Variants in CACNB3 observed in about 807,000 individuals in gnomAD.
CACNB3 encodes voltage-dependent L-type calcium channel subunit beta-3.
Under a neutral mutation model 63.7 loss-of-function variants are expected in CACNB3, and 36 were observed. The ratio of observed to expected loss-of-function variants is 0.57; its 90% CI spans 0.43 to 0.75. The LOEUF (loss-of-function observed/expected upper bound fraction) is 0.75, where lower values mean the gene tolerates loss of function less well. Ranked by LOEUF, CACNB3 falls within the 30% of genes least tolerant of loss-of-function variation. The pLI is 0.00. For synonymous variants in CACNB3, 241 were observed against 250.6 expected (o/e 0.96, Z 0.36); for missense variants, 493 against 648.6 (o/e 0.76, Z 2.61).
chr12:48,815,149 C>A (rs913852081), upstream of CACNB3: 1 of 157,726 alleles, frequency 6.3e-6, no homozygotes, highest in African/African-American at 2.4e-5. Context: ...GGGTCGCAGC[C>A]GCCGCCGGAG....
In CACNB3 at chr12:48,826,852, C is replaced by G; in HGVS notation, c.988C>G (p.Pro330Ala). Residue 330 changes from proline to alanine, a missense_variant and splice_region_variant, in exon 11 of 13, where the codon CCG becomes GCG. By Grantham distance (27) the Pro-to-Ala change is conservative. Transcript: ENST00000301050. This position sits in a 1 kb window ranked among gnomAD's most constrained non-coding sequence, Gnocchi z 4.8. ...ATATGATAAGCTGGTTCAGTGCCCA[C>G]CGGTGAGTGCCTGGGTCAGCTGCTC... ...MAYDKLVQCP[P>A]ESFDVILDEN... 1 of 1,613,616 alleles carries G rather than the reference C, an allele frequency of 6.2e-7. No individual in the cohort carries two copies. The highest frequency in any genetic ancestry group is 8.5e-7 in the Non-Finnish European group (1 of 1,179,542).
At chr12:48,818,437 G>A (rs570499655), upstream of CACNB3, 5 of 987,500 alleles carry the variant, frequency 5.1e-6, no homozygotes, top group South Asian at 1.4e-4. This position sits in a 1 kb window ranked among gnomAD's most constrained non-coding sequence, Gnocchi z 4.3. Context: ...CTCTGTCTCC[G>A]CATCTCTCCT....
chr12:48,818,620 C>T lies in CACNB3; in HGVS notation c.-310C>T. The T allele has an allele frequency of 9.0e-7, 1 of 1,114,146 alleles. No individual in the cohort carries two copies. Among genetic ancestry groups the T allele is most frequent in the Non-Finnish European group, 1.1e-6 (1 of 913,274 alleles). The allele number at this position is 1,114,146 out of a possible 1,614,324, so 69.0% of individuals were successfully genotyped here. A position where few individuals can be genotyped will look rare whatever the true frequency, so the allele number is the denominator to read the frequency against. ...GGTGGCCGCCGCCCCCTCGCCGCCC[C>T]CGCCTTCTCCCGGGGAGGGGGTCAG... On this transcript the variant is annotated 5_prime_UTR_variant, in exon 1 of 13. Coordinates refer to ENST00000301050, the MANE Select transcript of CACNB3 (RefSeq NM_000725.4). This position sits in a 1 kb window ranked among gnomAD's most constrained non-coding sequence, Gnocchi z 4.3.
At chr12:48,820,222 A>G (rs1280455484) in intron 1 of CACNB3, 1 of 153,418 alleles carries the variant, frequency 6.5e-6, no homozygotes, top group Non-Finnish European at 1.5e-5. Flanking sequence ...TCTTTCTGAC[A>G]GTTGAAGGGA....
At position 48,827,558 on chromosome 12, in the gene CACNB3, C is replaced by A. The variant is rs374732384; in HGVS notation, c.1141-27C>A. On this transcript the variant is annotated intron_variant, in intron 12 of 12. Transcript: ENST00000301050. ...AGACAAGGTGAGGTCTGTACTGCCT[C>A]ACTGAGAGCTGTTGTATGGCCCCCA... The A allele has an allele frequency of 3.1e-6, 5 of 1,601,528 alleles. No homozygotes were observed. The African/African-American group carries it at 5.3e-5, about 17-fold the overall frequency.
rs1216289468 is a variant in CACNB3 at position 48,825,838 on chromosome 12, CT to C, written c.742+77del. ...AGTGAGAACCTTCCTCCTCCCTTTTCTTTTTTTTGAGATGGAGTCTCGCTCT... is the reference window on the plus strand; with the variant it reads ...AGTGAGAACCTTCCTCCTCCCTTTTCTTTTTTTGAGATGGAGTCTCGCTCT... On this transcript the variant is annotated intron_variant, in intron 9 of 12. Coordinates refer to ENST00000301050, the MANE Select transcript of CACNB3 (RefSeq NM_000725.4). The surrounding 1 kb of genome is among the most constrained non-coding windows in gnomAD (Gnocchi z 4.5). The C allele has an allele frequency of 6.2e-5, 70 of 1,128,700 alleles. No individual in the cohort carries two copies. The highest frequency in any genetic ancestry group is 7.9e-5 in the Non-Finnish European group (60 of 763,386). 69.9% of individuals were successfully genotyped at this position (1,128,700 alleles called of 1,614,324 possible).
In CACNB3 at chr12:48,818,569, C is replaced by A; in HGVS notation, c.-361C>A. ...TTCCACCTAGCACGGGTTCGTTCCC[C>A]TCTCCCGGCCTGGCCCGGGCTCCCC... On this transcript the variant is annotated 5_prime_UTR_variant, in exon 1 of 13. Transcript: ENST00000301050. This position sits in a 1 kb window ranked among gnomAD's most constrained non-coding sequence, Gnocchi z 4.3. The A allele has an allele frequency of 9.4e-7, 1 of 1,066,102 alleles. No individual in the cohort carries two copies. Among genetic ancestry groups the A allele is most frequent in the South Asian group, 3.5e-5 (1 of 28,888 alleles). The allele number at this position is 1,066,102 out of a possible 1,614,324, so 66.0% of individuals were successfully genotyped here.
At position 48,828,345 on chromosome 12, in the gene CACNB3, A is replaced by G. The variant is rs1938260642; in HGVS notation, c.*446A>G. 1 of 309,330 alleles carries G rather than the reference A, an allele frequency of 3.2e-6. No homozygotes were observed. Among genetic ancestry groups the G allele is most frequent in the East Asian group, 8.1e-5 (1 of 12,370 alleles). 19.2% of individuals were successfully genotyped at this position (309,330 alleles called of 1,614,324 possible). ...AGGCACAAGTCCTGACAGTCAAGGG[A>G]CTGCTTTGGCATCCAGGGCCTCCAG... On this transcript the variant is annotated 3_prime_UTR_variant, in exon 13 of 13. Transcript: ENST00000301050.
intron 12 of CACNB3, 144 bp downstream of exon 12, chr12:48,827,267 GACGGGCAAAGGA>G (rs1938194277): frequency 9.6e-7 from 1 of 1,039,598 alleles, no homozygotes; most frequent in Non-Finnish European, 1.4e-6. Flanking sequence ...AGCTAGCACA[GACGGGCAAAGGA>G]ACTTCCTGAG....
At chr12:48,819,171 T>G (rs955875999) in intron 1 of CACNB3, among the ~76,000 whole-genome samples, 197 bp downstream of exon 1, 1 of 151,702 alleles carries the variant, frequency 6.6e-6, no homozygotes. Context: ...CCCTGGGGCA[T>G]CGGGTGTGTG....
intron 3 of CACNB3, 106 bp from the exon 4 acceptor site, chr12:48,824,152 C>G: frequency 2.1e-6 from 2 of 971,598 alleles, no homozygotes; most frequent in East Asian, 5.2e-5. Flanking sequence ...GCATTGCATT[C>G]CTCAGACCAG....
chr12:48,827,773 C>CA lies in CACNB3; in HGVS notation c.1330dup (p.Thr444AsnfsTer6). The CA allele has an allele frequency of 6.2e-7, 1 of 1,614,230 alleles. No individual in the cohort carries two copies. Among genetic ancestry groups the CA allele is most frequent in the Non-Finnish European group, 8.5e-7 (1 of 1,180,038 alleles). On this transcript the variant is annotated frameshift_variant, in exon 13 of 13. Transcript: ENST00000301050. LOFTEE classifies it high-confidence loss of function. ...ACCTGTACCAGCCTCACCGCCAACA[C>CA]ACCTCGGGGCTGCCTAGTGCTAACG... is the stretch of plus-strand genomic sequence containing the variant.
rs765767591 is a variant in CACNB3, at chr12:48,826,953, C to T, written c.991-21C>T. ...TGCTACTGAGGGGAAACCAACGTTG[C>T]GCCTTCCTCCCCCTCCCCAGGAGTC... On this transcript the variant is annotated intron_variant, in intron 11 of 12. Coordinates refer to ENST00000301050, the MANE Select transcript of CACNB3 (RefSeq NM_000725.4). This position sits in a 1 kb window ranked among gnomAD's most constrained non-coding sequence, Gnocchi z 4.8. The T allele has an allele frequency of 5.6e-6, 9 of 1,613,524 alleles. No individual in the cohort carries two copies. The highest frequency in any genetic ancestry group is 4.5e-5 in the East Asian group (2 of 44,876).
chr12:48,828,682 C>A lies in CACNB3; in HGVS notation c.*783C>A. 1 of 456,494 alleles carries A rather than the reference C, an allele frequency of 2.2e-6. No individual in the cohort carries two copies. Among genetic ancestry groups the A allele is most frequent in the South Asian group, 1.5e-5 (1 of 64,558 alleles). The allele number at this position is 456,494 out of a possible 1,614,324, so 28.3% of individuals were successfully genotyped here. Reference sequence around the variant, plus strand: ...CAGAGAACTTAGGGGGGCCTCCTTGCCTTTCTCATTCTTTTGCCCTGCATC... The same window carrying A: ...CAGAGAACTTAGGGGGGCCTCCTTGACTTTCTCATTCTTTTGCCCTGCATC... On this transcript the variant is annotated 3_prime_UTR_variant, in exon 13 of 13. Coordinates refer to ENST00000301050, the MANE Select transcript of CACNB3 (RefSeq NM_000725.4).
In CACNB3 at chr12:48,824,746, C is replaced by T; in HGVS notation, c.472+13C>T. 2 of 1,613,180 alleles carry T rather than the reference C, an allele frequency of 1.2e-6. No homozygotes were observed. Among genetic ancestry groups the T allele is most frequent in the Non-Finnish European group, 1.7e-6 (2 of 1,179,528 alleles). The stretch of plus-strand genomic sequence containing the variant: ...CCGCCATCTCTAGGTAGCCTCCCCC[C>T]AACCCACCCATTTTGGGTAGGTGGG... On this transcript the variant is annotated intron_variant, in intron 5 of 12. Coordinates refer to ENST00000301050, the MANE Select transcript of CACNB3 (RefSeq NM_000725.4).
chr12:48,826,434 C>A lies in CACNB3; in HGVS notation c.810C>A (p.Asp270Glu). ...AATCCCTGCAGCTAGTAGTGTTGGACGCTGACACCATCAACCACCCAGCAC... is the reference window on the plus strand; with the variant it reads ...AATCCCTGCAGCTAGTAGTGTTGGAAGCTGACACCATCAACCACCCAGCAC... ...LAKSLQLVVLDADTINHPAQL... is the reference protein window; with the variant it reads ...LAKSLQLVVLEADTINHPAQL... Residue 270 changes from aspartate (D) to glutamate (E), a missense_variant, in exon 10 of 13, where the codon GAC becomes GAA. Coordinates refer to ENST00000301050, the MANE Select transcript of CACNB3 (RefSeq NM_000725.4). This position sits in a 1 kb window ranked among gnomAD's most constrained non-coding sequence, Gnocchi z 4.8. 1 of 1,614,100 alleles carries A rather than the reference C, an allele frequency of 6.2e-7. No individual in the cohort carries two copies. The highest frequency in any genetic ancestry group is 2.2e-5 in the East Asian group (1 of 44,886).
chr12:48,828,364 C>T lies in CACNB3; in HGVS notation c.*465C>T. 3.3e-6 allele frequency: 1 copy of T among 305,684 alleles called. No homozygotes were observed. The highest frequency in any genetic ancestry group is 3.1e-5 in the South Asian group (1 of 32,262). 18.9% of individuals were successfully genotyped at this position (305,684 alleles called of 1,614,324 possible). On this transcript the variant is annotated 3_prime_UTR_variant, in exon 13 of 13. Transcript: ENST00000301050. The stretch of plus-strand genomic sequence containing the variant: ...CAAGGGACTGCTTTGGCATCCAGGG[C>T]CTCCAGTCACCTCACTGCCATACAT...
In CACNB3 at chr12:48,827,112, C is replaced by G. The variant is rs1466007653; in HGVS notation, c.1129C>G (p.Pro377Ala). Residue 377 changes from proline to alanine, a missense_variant, in exon 12 of 13, where the codon CCC (proline) becomes GCC (alanine). Transcript: ENST00000301050. ...ACTTCTGGGTCCTCCCAGTGCCATC[C>G]CCGGACTTCAGGTAACCATTTCCAG... ...PGLLGPPSAI[P>A]GLQNQQLLGE... 8.1e-6 allele frequency: 13 copies of G among 1,612,588 alleles called. No individual in the cohort carries two copies. Among genetic ancestry groups the G allele is most frequent in the Non-Finnish European group, 1.1e-5 (13 of 1,180,026 alleles).
chr12:48,827,549 G>A, intron 12 of CACNB3, 36 bp from the exon 13 acceptor site: 2 of 1,587,270 alleles, frequency 1.3e-6, no homozygotes, highest in South Asian at 1.1e-5. Flanking sequence ...GGTGAGGTCT[G>A]TACTGCCTCA....
Sources: allele counts gnomAD v4.1 joint callset (sites outside exome capture counted in the v4.1 genomes callset), GRCh38; gene constraint gnomAD v4.1.1; non-coding constraint Gnocchi (gnomAD v3.1); transcripts MANE v1.5; gene names NCBI Gene and HGNC (gene_info 2026-07-23, HGNC 2026-07-21).